AHI1: variants seen among roughly 807,000 people sequenced by gnomAD.
AHI1 encodes Abelson helper integration site 1.
A neutral mutation model predicts 149.3 loss-of-function variants in AHI1; 123 were observed. The observed-to-expected ratio is 0.82, with a 90% CI of 0.71 to 0.96. AHI1 has a LOEUF of 0.96. Among genes scored for constraint, AHI1 ranks in the 40% least tolerant of loss-of-function variants. AHI1 has a pLI of 0.00. For synonymous variants in AHI1, 475 were observed against 459.8 expected (o/e 1.03, Z -0.42); for missense variants, 1,439 against 1,422.7 (o/e 1.01, Z -0.18).
chr6:135,293,406 G>GAAAAAAAAAAAAAAAAAAAAAAAA (rs71547029), intron 27 of AHI1, among the ~76,000 whole-genome samples: 25 of 65,590 alleles, frequency 3.8e-4, no homozygotes, highest in Middle Eastern at 8.8e-3. Context: ...AAAAAAAAAA[G>GAAAAAAAAAAAAAAAAAAAAAAAA]AAAAAAAAAA....
At chr6:135,492,608 A>T in intron 3 of AHI1, 1 of 985,398 alleles carries the variant, frequency 1.0e-6, no homozygotes, top group Non-Finnish European at 1.2e-6. Context: ...TTAATACATT[A>T]ATGAACATTT....
At chr6:135,384,905 A>G (rs1050189823) in intron 23 of AHI1, among the ~76,000 whole-genome samples, 1 of 152,172 alleles carries the variant, frequency 6.6e-6, no homozygotes, top group Non-Finnish European at 1.5e-5. Flanking sequence ...CCTGCCCACC[A>G]TGGTGAAATC....
chr6:135,430,008 G>T lies in AHI1; in HGVS notation c.2374-8C>A. ...CTCAGTTTCTTTAATTTCCTAAAAT[G>T]ATTAAAAAAAATACTACTACTGAAA... On this transcript the variant is annotated splice_polypyrimidine_tract_variant and splice_region_variant and intron_variant, in intron 17 of 28. Coordinates refer to ENST00000265602, the MANE Select transcript of AHI1 (RefSeq NM_001134831.2). The T allele has an allele frequency of 6.9e-7, 1 of 1,448,592 alleles. No individual in the cohort carries two copies. The highest frequency in any genetic ancestry group is 9.4e-7 in the Non-Finnish European group (1 of 1,065,492). 89.7% of individuals were successfully genotyped at this position (1,448,592 alleles called of 1,614,324 possible).
At chr6:135,423,372 T>C (rs1783489319) in intron 20 of AHI1, among the ~76,000 whole-genome samples, 1 of 152,180 alleles carries the variant, frequency 6.6e-6, no homozygotes, top group South Asian at 2.1e-4. Flanking sequence ...GGTACTATGT[T>C]AGACATATGG....
intron 5 of AHI1, among the ~76,000 whole-genome samples, chr6:135,482,947 A>G (rs905117590): frequency 1.2e-4 from 15 of 120,560 alleles, no homozygotes; most frequent in South Asian, 2.6e-4. Context: ...GCTGGAGTGC[A>G]GTTGTGAGAT....
At chr6:135,320,376 C>T (rs1052496992) in intron 25 of AHI1, among the ~76,000 whole-genome samples, 3 of 152,152 alleles carry the variant, frequency 2.0e-5, no homozygotes, top group Non-Finnish European at 4.4e-5. Context: ...TGTACGTAGC[C>T]ATCAACTCAT....
intron 5 of AHI1, among the ~76,000 whole-genome samples, chr6:135,488,332 A>C (rs1338371222): frequency 6.6e-6 from 1 of 151,898 alleles, no homozygotes; most frequent in Non-Finnish European, 1.5e-5. Flanking sequence ...TATTTCTTTC[A>C]TTTTAGTTTT....
rs375762687 is a variant in AHI1, at chr6:135,391,190, A to G, written c.3109+3586T>C. On this transcript the variant is annotated intron_variant, in intron 23 of 28. Transcript: ENST00000265602. ...TATTACTCACATAGATGCCAGCTGT[A>G]TTCAAAGAAAAAAATACATTTTAGA... Among the ~76,000 whole-genome samples the G allele has an allele frequency of 7.9e-5, 12 of 152,290 alleles. 1 individual carries two copies. The highest frequency in any genetic ancestry group is 1.9e-4 in the East Asian group (1 of 5,180).
intron 14 of AHI1, 50 bp downstream of exon 14, chr6:135,442,532 G>A: frequency 6.6e-7 from 1 of 1,512,426 alleles, no homozygotes; most frequent in African/African-American, 1.4e-5. Flanking sequence ...ACTAAAGAAT[G>A]TCCTCCACGT....
intron 27 of AHI1, among the ~76,000 whole-genome samples, chr6:135,294,875 G>T (rs1562447874): frequency 6.6e-6 from 1 of 151,940 alleles, no homozygotes; most frequent in African/African-American, 2.4e-5. Context: ...GTTGGCAGAG[G>T]TTTCTTAGAT....
intron 27 of AHI1, among the ~76,000 whole-genome samples, chr6:135,292,372 CT>C (rs749236491): frequency 2.0e-5 from 3 of 152,168 alleles, no homozygotes; most frequent in Non-Finnish European, 4.4e-5. Context: ...CTCTCACAAT[CT>C]ATATACAATC....
At chr6:135,394,676 G>A (rs565333618) in intron 23 of AHI1, 100 bp downstream of exon 23, 24 of 1,485,470 alleles carry the variant, frequency 1.6e-5, no homozygotes, top group East Asian at 7.3e-5. Context: ...TGTAAAAACC[G>A]ACCATTATGA....
At chr6:135,419,852 C>T (rs959197163) in intron 20 of AHI1, among the ~76,000 whole-genome samples, 4 of 151,988 alleles carry the variant, frequency 2.6e-5, no homozygotes, top group African/African-American at 7.2e-5. Context: ...AGCATTTTAC[C>T]CACAGAAATT....
At chr6:135,328,271 T>A (rs550364593) in intron 24 of AHI1, among the ~76,000 whole-genome samples, 46 of 152,216 alleles carry the variant, frequency 3.0e-4, no homozygotes, top group Non-Finnish European at 5.3e-4. Flanking sequence ...AACATGTAGA[T>A]ACTGCATTTT....
At chr6:135,380,735 C>T (rs1444313311) in intron 23 of AHI1, among the ~76,000 whole-genome samples, 1 of 111,790 alleles carries the variant, frequency 8.9e-6, no homozygotes, top group African/African-American at 4.4e-5. Flanking sequence ...AAAATAACCC[C>T]CCCCCCCCCA....
intron 5 of AHI1, among the ~76,000 whole-genome samples, chr6:135,487,799 C>A (rs768896024): frequency 7.2e-5 from 11 of 152,152 alleles, no homozygotes; most frequent in Non-Finnish European, 1.5e-4. Flanking sequence ...CCTTAACCAA[C>A]TTCTCTTCAT....
chr6:135,405,533 A>G (rs1780635099), intron 21 of AHI1, among the ~76,000 whole-genome samples: 1 of 152,124 alleles, frequency 6.6e-6, no homozygotes, highest in Non-Finnish European at 1.5e-5. Context: ...ATTATGGACA[A>G]TTTGAAAATC....
chr6:135,359,846 A>C (rs1409890099), intron 23 of AHI1, among the ~76,000 whole-genome samples: 2 of 152,098 alleles, frequency 1.3e-5, no homozygotes, highest in Non-Finnish European at 2.9e-5. Flanking sequence ...AATAAAAACC[A>C]AAGCAAACCA....
intron 13 of AHI1, among the ~76,000 whole-genome samples, chr6:135,443,642 C>T (rs961751387): frequency 1.3e-5 from 2 of 152,168 alleles, no homozygotes; most frequent in Non-Finnish European, 2.9e-5. Flanking sequence ...GCTTTCTAGA[C>T]AGGTACCAGG....
Sources: allele counts gnomAD v4.1 joint callset (sites outside exome capture counted in the v4.1 genomes callset), GRCh38; gene constraint gnomAD v4.1.1; transcripts MANE v1.5; gene names NCBI Gene and HGNC (gene_info 2026-07-23, HGNC 2026-07-21).